The following PON2 variants were observed in gnomAD, a reference collection of about 807,000 sequenced individuals.
PON2 encodes paraoxonase 2.
In PON2, 27 loss-of-function variants were observed where a neutral mutation model predicts 36.6. The observed-to-expected ratio is 0.74, with a 90% CI of 0.54 to 1.02. PON2 has a LOEUF of 1.02. PON2 is among the 50% of genes least tolerant of loss of function. The pLI is 0.00. For missense variants in PON2, 363 were observed against 421.1 expected (o/e 0.86, Z 1.21); for synonymous variants, 149 against 156.3 (o/e 0.95, Z 0.35).
chr7:95,431,429 C>CT (rs17876186), intron 1 of PON2, among the ~76,000 whole-genome samples: 1,732 of 147,780 alleles, frequency 0.012, 33 homozygotes, highest in South Asian at 0.047. Flanking sequence ...TGCTTTTTTT[C>CT]TTTTTTTTTT....
intron 2 of PON2, chr7:95,418,240 C>T (rs191722591): frequency 1.3e-5 from 2 of 152,322 alleles, no homozygotes; most frequent in Non-Finnish European, 2.9e-5. Flanking sequence ...AACTAACATA[C>T]ATTAGGTACA....
At chr7:95,424,622 A>AGTTT in intron 1 of PON2, 37 bp from the exon 2 acceptor site, 1 of 1,524,876 alleles carries the variant, frequency 6.6e-7, no homozygotes, top group Non-Finnish European at 9.1e-7. Context: ...ACAAAAAACT[A>AGTTT]TTTGTTTATG....
rs1181693181 is a variant in PON2 at position 95,409,893 on chromosome 7, G to T, written c.695+8C>A. 1 of 1,610,168 alleles carries T rather than the reference G, an allele frequency of 6.2e-7. No individual in the cohort carries two copies. Among genetic ancestry groups the T allele is most frequent in the Non-Finnish European group, 8.5e-7 (1 of 1,177,978 alleles). ...AGAAAAATGAAGATATTCTATAAGGGGCCATACTTATCATCAGGTGAAATA... is the reference window on the plus strand; with the variant it reads ...AGAAAAATGAAGATATTCTATAAGGTGCCATACTTATCATCAGGTGAAATA... On this transcript the variant is annotated splice_region_variant and intron_variant, in intron 6 of 8. Coordinates refer to ENST00000222572, the MANE Select transcript of PON2 (RefSeq NM_000305.3).
intron 5 of PON2, 105 bp from the exon 6 acceptor site, chr7:95,410,206 G>C: frequency 1.0e-6 from 1 of 980,582 alleles, no homozygotes; most frequent in Non-Finnish European, 1.6e-6. Context: ...TTAAATTTTT[G>C]GTAAGAGGAA....
At position 95,405,339 on chromosome 7, in the gene PON2, A is replaced by G; in HGVS notation, c.1056T>C (p.Cys352=). The change falls in exon 9 of 9, where the codon TGT becomes TGC. Residue 352 remains cysteine (C), a synonymous_variant. Coordinates refer to ENST00000222572, the MANE Select transcript of PON2 (RefSeq NM_000305.3). ...IGTLYHRALY[C]EL Reference sequence around the variant, plus strand: ...ATGCCAAAAGTACAATTTAGAGTTCACAATACAAGGCTCTGTGGTATAAAG... The same window carrying G: ...ATGCCAAAAGTACAATTTAGAGTTCGCAATACAAGGCTCTGTGGTATAAAG... The G allele has an allele frequency of 6.2e-7, 1 of 1,613,692 alleles. No homozygotes were observed. Among genetic ancestry groups the G allele is most frequent in the South Asian group, 1.1e-5 (1 of 91,058 alleles).
chr7:95,434,349 G>T (rs1474925783), intron 1 of PON2: 2 of 152,860 alleles, frequency 1.3e-5, no homozygotes, highest in African/African-American at 4.8e-5. Flanking sequence ...GAATAAATAG[G>T]AAGTAAGAAC....
chr7:95,429,501 AG>A (rs1322928794), intron 1 of PON2, among the ~76,000 whole-genome samples: 1 of 152,226 alleles, frequency 6.6e-6, no homozygotes, highest in Non-Finnish European at 1.5e-5. Flanking sequence ...CTTAACCAAC[AG>A]TCATTAGCAT....
chr7:95,434,718 T>G (rs1789522437), intron 1 of PON2, among the ~76,000 whole-genome samples, 160 bp downstream of exon 1: 2 of 152,120 alleles, frequency 1.3e-5, no homozygotes, highest in Admixed American at 1.3e-4. Flanking sequence ...TGATGGGGGT[T>G]CAACTAGCTG....
intron 5 of PON2, among the ~76,000 whole-genome samples, chr7:95,411,206 C>T (rs1408999404): frequency 6.6e-6 from 1 of 152,066 alleles, no homozygotes; most frequent in Admixed American, 6.6e-5. Context: ...ATCACTAACC[C>T]TATGAAAGCG....
chr7:95,434,249 G>C (rs921033762), intron 1 of PON2: 3 of 152,218 alleles, frequency 2.0e-5, no homozygotes, highest in African/African-American at 4.8e-5. Context: ...AAACGATGAT[G>C]TCTACCTACC....
chr7:95,416,424 C>T (rs759744632), intron 2 of PON2, 127 bp from the exon 3 acceptor site: 77 of 1,075,316 alleles, frequency 7.2e-5, no homozygotes, highest in Non-Finnish European at 1.0e-4. Context: ...ATGTTTTTTC[C>T]AAGGAACCAT....
intron 8 of PON2, 62 bp downstream of exon 8, chr7:95,406,057 A>T (rs1021787525): frequency 1.3e-6 from 2 of 1,517,670 alleles, no homozygotes; most frequent in Non-Finnish European, 1.8e-6. Flanking sequence ...GTGACAATTT[A>T]TTGTATTATT....
At chr7:95,421,737 A>G (rs1789197456) in intron 2 of PON2, among the ~76,000 whole-genome samples, 1 of 152,208 alleles carries the variant, frequency 6.6e-6, no homozygotes, top group Non-Finnish European at 1.5e-5. Flanking sequence ...CAATGAAAAA[A>G]AGGAGAAAGA....
chr7:95,413,495 T>C (rs1375332029), intron 3 of PON2, among the ~76,000 whole-genome samples: 1 of 152,262 alleles, frequency 6.6e-6, no homozygotes, highest in Non-Finnish European at 1.5e-5. Context: ...GGAATTTTCC[T>C]TATCTTTCTA....
intron 2 of PON2, among the ~76,000 whole-genome samples, chr7:95,422,588 TTA>T (rs1416844691): frequency 9.9e-5 from 15 of 152,206 alleles, no homozygotes; most frequent in Admixed American, 2.6e-4. Flanking sequence ...TTGACCTCAC[TTA>T]TGTTTTTAAA....
intron 6 of PON2, 91 bp downstream of exon 6, chr7:95,409,810 A>G: frequency 9.5e-7 from 1 of 1,050,312 alleles, no homozygotes; most frequent in Non-Finnish European, 1.5e-6. Context: ...TGTCAAGAAA[A>G]CTATTTTCAC....
intron 2 of PON2, among the ~76,000 whole-genome samples, chr7:95,418,676 TTAC>T: frequency 6.6e-6 from 1 of 152,236 alleles, no homozygotes. Context: ...TATTAAATCT[TTAC>T]TTTTTTTATT....
chr7:95,419,936 C>T (rs1298780514), intron 2 of PON2, among the ~76,000 whole-genome samples: 1 of 152,158 alleles, frequency 6.6e-6, no homozygotes, highest in East Asian at 1.9e-4. Flanking sequence ...ATAACAGCAA[C>T]GCATCCTTTA....
At chr7:95,417,039 CAG>C (rs1357410751) in intron 2 of PON2, among the ~76,000 whole-genome samples, 1 of 152,168 alleles carries the variant, frequency 6.6e-6, no homozygotes, top group Non-Finnish European at 1.5e-5. Flanking sequence ...ATAAATTCTA[CAG>C]ACAGATAATA....
Sources: gnomAD v4.1 joint callset for allele counts (sites outside exome capture counted in the v4.1 genomes callset) on GRCh38, gnomAD v4.1.1 for gene constraint, MANE v1.5 for transcripts, NCBI Gene and HGNC (gene_info 2026-07-23, HGNC 2026-07-21) for gene names.